Variants in PLA1A observed in about 807,000 individuals in gnomAD.
The protein encoded by PLA1A is phospholipase A1 member A.
Under a neutral mutation model 49.4 loss-of-function variants are expected in PLA1A, and 47 were observed. That is an observed-to-expected ratio of 0.95 (90% confidence interval 0.75 to 1.21). PLA1A has a LOEUF of 1.21. Among genes scored for constraint, PLA1A ranks in the 50% most tolerant of loss-of-function variants. PLA1A has a pLI of 0.00. For missense variants in PLA1A, 561 were observed against 563.9 expected (o/e 0.99, Z 0.05); for synonymous variants, 224 against 207.9 (o/e 1.08, Z -0.67).
At chr3:119,619,067 C>T (rs914321450) in intron 7 of PLA1A, among the ~76,000 whole-genome samples, 2 of 152,230 alleles carry the variant, frequency 1.3e-5, no homozygotes, top group Non-Finnish European at 2.9e-5. Flanking sequence ...CTTTCTCTTG[C>T]ACTGAACACC....
chr3:119,597,970 C>T lies in PLA1A; in HGVS notation c.57C>T (p.Leu19=), dbSNP rs1288437315. The part of the protein sequence containing the change: ...CFWVGGLILW[L]SVGSSGDAPP... The stretch of plus-strand genomic sequence containing the variant: ...GGGTGGGGGGCCTCATTTTGTGGCT[C>T]AGCGTTGGAAGTTCAGGTAAGCCAG... The change falls in exon 1 of 11, where the codon CTC becomes CTT. Residue 19 remains leucine, a synonymous_variant. Coordinates refer to ENST00000273371, the MANE Select transcript of PLA1A (RefSeq NM_015900.4). 1.2e-6 allele frequency: 2 copies of T among 1,607,924 alleles called. No individual in the cohort carries two copies. The highest frequency in any genetic ancestry group is 1.3e-5 in the African/African-American group (1 of 74,764).
intron 8 of PLA1A, among the ~76,000 whole-genome samples, chr3:119,622,619 C>G (rs752507749): frequency 1.3e-4 from 20 of 152,150 alleles, no homozygotes; most frequent in East Asian, 3.9e-4. Flanking sequence ...ATGTTCCCTT[C>G]CCCAATGTTA....
intron 8 of PLA1A, among the ~76,000 whole-genome samples, chr3:119,622,508 C>T (rs1397683424): frequency 6.6e-6 from 1 of 152,168 alleles, no homozygotes; most frequent in Non-Finnish European, 1.5e-5. Context: ...GGGTTCTTGG[C>T]ATCTTGGCAC....
At chr3:119,600,542 G>A (rs751628317) in intron 1 of PLA1A, 13 of 619,570 alleles carry the variant, frequency 2.1e-5, no homozygotes, top group African/African-American at 7.4e-5. Context: ...TATGGCTGGC[G>A]TCTTCTTCAT....
rs1024246137 is a variant in PLA1A at position 119,629,631 on chromosome 3, G to A, written c.*163G>A. ...ATAATCAGCTACCCTGGAGGGGAGG[G>A]AGAACTCATTTTACAGAACTTGGTT... On this transcript the variant is annotated 3_prime_UTR_variant, in exon 11 of 11. Transcript: ENST00000273371. 2.1e-5 allele frequency: 12 copies of A among 584,756 alleles called. No homozygotes were observed. Among genetic ancestry groups the A allele is most frequent in the Non-Finnish European group, 2.7e-5 (9 of 328,324 alleles). The allele number at this position is 584,756 out of a possible 1,614,324, so 36.2% of individuals were successfully genotyped here. A position where few individuals can be genotyped will look rare whatever the true frequency, so the allele number is the denominator to read the frequency against.
intron 8 of PLA1A, chr3:119,620,196 A>G (rs2082910807): frequency 4.4e-6 from 2 of 455,992 alleles, no homozygotes; most frequent in Non-Finnish European, 8.8e-6. Flanking sequence ...GAAATACATT[A>G]CAAGCTAAAC....
chr3:119,622,097 AAGAAGAAGAAGG>A (rs1219104699), intron 8 of PLA1A, among the ~76,000 whole-genome samples: 2 of 148,076 alleles, frequency 1.4e-5, no homozygotes, highest in African/African-American at 5.0e-5. Context: ...AAAGAAGAAG[AAGAAGAAGAAGG>A]AGAAGGAGAA....
At chr3:119,605,873 G>A (rs905485091) in intron 1 of PLA1A, among the ~76,000 whole-genome samples, 2 of 152,216 alleles carry the variant, frequency 1.3e-5, no homozygotes, top group African/African-American at 4.8e-5. Flanking sequence ...ATTGCAAGGT[G>A]CTGTGAAGTA....
intron 1 of PLA1A, among the ~76,000 whole-genome samples, 160 bp downstream of exon 1, chr3:119,598,146 A>G (rs765137391): frequency 6.6e-6 from 1 of 152,186 alleles, no homozygotes; most frequent in Admixed American, 6.5e-5. Flanking sequence ...CTTTTATCAT[A>G]ATCGGAATGA....
At position 119,597,931 on chromosome 3, in the gene PLA1A, G is replaced by A; in HGVS notation, c.18G>A (p.Trp6Ter). 1 of 1,610,568 alleles carries A rather than the reference G, an allele frequency of 6.2e-7. No homozygotes were observed. The highest frequency in any genetic ancestry group is 8.5e-7 in the Non-Finnish European group (1 of 1,178,250). Reference sequence around the variant, plus strand: ...GCTCAGCGATGCCCCCAGGTCCCTGGGAGAGCTGCTTCTGGGTGGGGGGCC... The same window carrying A: ...GCTCAGCGATGCCCCCAGGTCCCTGAGAGAGCTGCTTCTGGGTGGGGGGCC... MPPGP[W>*]ESCFWVGGLI... Residue 6 changes from tryptophan (W) to a stop codon, truncating the protein, a stop_gained, in exon 1 of 11, where the codon TGG becomes TGA. Coordinates refer to ENST00000273371, the MANE Select transcript of PLA1A (RefSeq NM_015900.4). LOFTEE classifies it high-confidence loss of function.
chr3:119,616,206 A>G (rs981403441), intron 6 of PLA1A, 105 bp downstream of exon 6: 9 of 732,484 alleles, frequency 1.2e-5, no homozygotes, highest in Non-Finnish European at 2.2e-5. Context: ...GGTCTACTTG[A>G]CAGTGTCCTT....
At chr3:119,614,232 C>G (rs1057313526) in intron 5 of PLA1A, among the ~76,000 whole-genome samples, 2 of 152,170 alleles carry the variant, frequency 1.3e-5, no homozygotes, top group Non-Finnish European at 2.9e-5. Context: ...TTCTTCCCAC[C>G]TTTATTTCAC....
chr3:119,621,644 C>A (rs1041622277), intron 8 of PLA1A, among the ~76,000 whole-genome samples: 2 of 152,182 alleles, frequency 1.3e-5, no homozygotes, highest in African/African-American at 4.8e-5. Context: ...CATAGTGTAC[C>A]TTTTCTCCAT....
chr3:119,611,533 T>A (rs976101167), intron 4 of PLA1A, among the ~76,000 whole-genome samples: 4 of 152,188 alleles, frequency 2.6e-5, no homozygotes, highest in Non-Finnish European at 4.4e-5. Context: ...ATTTTTTTTT[T>A]AGCAGGGTTT....
chr3:119,601,859 G>A (rs1052092351), intron 1 of PLA1A, among the ~76,000 whole-genome samples: 2 of 152,156 alleles, frequency 1.3e-5, no homozygotes, highest in Non-Finnish European at 2.9e-5. Context: ...TTATGTTAAA[G>A]AGGGTTGAAT....
At chr3:119,620,012 C>G in intron 8 of PLA1A, 1 of 463,536 alleles carries the variant, frequency 2.2e-6, no homozygotes, top group Admixed American at 2.3e-5. Context: ...ACCCTGGCAG[C>G]CTCCAAGGTT....
At chr3:119,615,967 G>A (rs551487118) in intron 5 of PLA1A, 45 bp from the exon 6 acceptor site, 17 of 1,298,266 alleles carry the variant, frequency 1.3e-5, no homozygotes, top group East Asian at 6.9e-5. Flanking sequence ...GCTGTGAGCC[G>A]ACCCCCTGAA....
chr3:119,627,438 A>G (rs192139094), intron 9 of PLA1A, among the ~76,000 whole-genome samples: 2 of 152,330 alleles, frequency 1.3e-5, no homozygotes, highest in Admixed American at 1.3e-4. Flanking sequence ...GTAATATTTC[A>G]AAAGACTTGT....
At chr3:119,605,562 T>TC (rs2107778420) in intron 1 of PLA1A, among the ~76,000 whole-genome samples, 1 of 152,366 alleles carries the variant, frequency 6.6e-6, no homozygotes, top group Admixed American at 6.5e-5. Flanking sequence ...TCTGGATGTC[T>TC]CCTCTGAACC....
Sources: allele counts gnomAD v4.1 joint callset (sites outside exome capture counted in the v4.1 genomes callset), GRCh38; gene constraint gnomAD v4.1.1; transcripts MANE v1.5; gene names NCBI Gene and HGNC (gene_info 2026-07-23, HGNC 2026-07-21).